LINGO2: variants seen among roughly 807,000 people sequenced by gnomAD.
LINGO2 encodes the protein leucine rich repeat and Ig domain containing 2.
In LINGO2, 14 loss-of-function variants were observed where a neutral mutation model predicts 30.6. That is an observed-to-expected ratio of 0.46 (90% CI 0.30 to 0.72). The LOEUF (loss-of-function observed/expected upper bound fraction) is 0.72. LINGO2 is among the 30% of genes least tolerant of loss of function. The pLI is 0.07. For synonymous variants in LINGO2, 317 were observed against 288.5 expected, an observed-to-expected ratio of 1.10 and a Z score of -1.00; for missense variants, 729 against 751.7, an observed-to-expected ratio of 0.97 and a Z score of 0.35.
chr9:29,038,598 C>T, the LINGO2 span, among the ~76,000 whole-genome samples: 1 of 139,606 alleles, frequency 7.2e-6, no homozygotes, highest in Non-Finnish European at 1.5e-5. Context: ...TTCAGCAGAA[C>T]ATTAGAAATG....
At chr9:28,524,906 T>C (rs1175969090) in intron 1 of LINGO2, among the ~76,000 whole-genome samples, 5 of 152,082 alleles carry the variant, frequency 3.3e-5, no homozygotes, top group East Asian at 1.9e-4. Flanking sequence ...AAAAATGATA[T>C]ATGAATCACA....
chr9:28,562,091 G>T (rs1031942613), intron 1 of LINGO2, among the ~76,000 whole-genome samples: 9 of 151,844 alleles, frequency 5.9e-5, no homozygotes, highest in Non-Finnish European at 7.4e-5. Flanking sequence ...TGCAGAGATT[G>T]CAGGGAACTA....
the LINGO2 span, among the ~76,000 whole-genome samples, chr9:28,984,688 C>A: frequency 6.6e-6 from 1 of 151,938 alleles, no homozygotes; most frequent in African/African-American, 2.4e-5. Flanking sequence ...AAGAGGGCTT[C>A]CTAATACAAA....
chr9:28,848,257 T>TATATACTATATATACGC, the LINGO2 span, among the ~76,000 whole-genome samples: 11 of 116,726 alleles, frequency 9.4e-5, no homozygotes, highest in Non-Finnish European at 1.4e-4. Context: ...TATACGCATA[T>TATATACTATATATACGC]ATAGTGTATA....
chr9:29,189,808 G>A, the LINGO2 span, among the ~76,000 whole-genome samples: 26 of 152,054 alleles, frequency 1.7e-4, no homozygotes, highest in African/African-American at 5.8e-4. Context: ...TTAGGAGCTG[G>A]AGACCAGCCC....
chr9:28,393,456 T>A (rs1465118009), intron 2 of LINGO2, among the ~76,000 whole-genome samples: 1 of 152,224 alleles, frequency 6.6e-6, no homozygotes, highest in African/African-American at 2.4e-5. Flanking sequence ...TAAGCCTGCA[T>A]TTTCTGGTTC....
At chr9:28,885,360 T>C in the LINGO2 span, among the ~76,000 whole-genome samples, 110,161 of 143,768 alleles carry the variant, frequency 0.77, 42,639 homozygotes, top group Non-Finnish European at 0.82. Flanking sequence ...TATATATATA[T>C]ACACACACAC....
At chr9:28,564,219 G>A (rs1823248463) in intron 1 of LINGO2, among the ~76,000 whole-genome samples, 1 of 151,982 alleles carries the variant, frequency 6.6e-6, no homozygotes, top group Non-Finnish European at 1.5e-5. Flanking sequence ...TACATAGAAA[G>A]AAAATATGAT....
chr9:29,061,546 C>T, the LINGO2 span, among the ~76,000 whole-genome samples: 22 of 151,864 alleles, frequency 1.4e-4, no homozygotes, highest in Middle Eastern at 3.4e-3. Flanking sequence ...AAAGATCAAA[C>T]GATTTTTGAC....
At chr9:28,529,625 TGCCATCTCTA>T (rs1821156285) in intron 1 of LINGO2, among the ~76,000 whole-genome samples, 2 of 150,128 alleles carry the variant, frequency 1.3e-5, no homozygotes, top group African/African-American at 4.9e-5. Context: ...TTTTTTTTTT[TGCCATCTCTA>T]TTTTAGCTAC....
intron 4 of LINGO2, among the ~76,000 whole-genome samples, chr9:28,126,947 C>G (rs1248528692): frequency 6.6e-6 from 1 of 152,194 alleles, no homozygotes; most frequent in African/African-American, 2.4e-5. Context: ...GTATACCTAA[C>G]ATTTTTTATA....
chr9:28,091,473 G>A (rs1451409955), intron 4 of LINGO2, among the ~76,000 whole-genome samples: 1 of 152,158 alleles, frequency 6.6e-6, no homozygotes, highest in East Asian at 1.9e-4. Flanking sequence ...TTTAATAAAT[G>A]GTGCTGGGAA....
chr9:28,497,430 C>T (rs1209943684), intron 1 of LINGO2, among the ~76,000 whole-genome samples: 1 of 152,166 alleles, frequency 6.6e-6, no homozygotes, highest in Non-Finnish European at 1.5e-5. Flanking sequence ...CACTGATACC[C>T]TTTCTTCCAG....
intron 4 of LINGO2, among the ~76,000 whole-genome samples, chr9:28,028,564 C>G (rs897184037): frequency 6.6e-6 from 1 of 151,986 alleles, no homozygotes; most frequent in Non-Finnish European, 1.5e-5. Context: ...ATTGATGTAT[C>G]CAGGGGGTTG....
chr9:28,858,858 G>A, the LINGO2 span, among the ~76,000 whole-genome samples: 4 of 152,168 alleles, frequency 2.6e-5, no homozygotes, highest in African/African-American at 9.6e-5. Context: ...GAGAATAAAG[G>A]TAAACATTTC....
rs775438948 is a variant in LINGO2, at chr9:27,950,186, G to T, written c.486C>A (p.Asp162Glu). The stretch of plus-strand genomic sequence containing the variant: ...TGTGTGATATATAAACCAAATCATT[G>T]TCCCCCACTTCTAGAGACTTCAGGT... The change falls in exon 6 of 6, where the codon GAC becomes GAA. Residue 162 changes from aspartate to glutamate, a missense_variant. Physicochemically the swap from Asp to Glu is conservative, Grantham distance 45 (BLOSUM62 2). Transcript: ENST00000379992. 17 of 1,614,028 alleles carry T rather than the reference G, an allele frequency of 1.1e-5. No individual in the cohort carries two copies. Among genetic ancestry groups the T allele is most frequent in the Admixed American group, 1.7e-5 (1 of 60,022 alleles).
chr9:28,369,636 A>G (rs1393484124), intron 3 of LINGO2, among the ~76,000 whole-genome samples: 1 of 152,210 alleles, frequency 6.6e-6, no homozygotes, highest in African/African-American at 2.4e-5. Flanking sequence ...TTAGTAAGAG[A>G]GACTAGGTTG....
At chr9:28,825,251 C>A in the LINGO2 span, among the ~76,000 whole-genome samples, 1 of 151,930 alleles carries the variant, frequency 6.6e-6, no homozygotes, top group Non-Finnish European at 1.5e-5. Context: ...TTCTTGACTA[C>A]AATGGATGTC....
the LINGO2 span, among the ~76,000 whole-genome samples, chr9:28,938,244 A>C: frequency 1.3e-5 from 2 of 152,246 alleles, no homozygotes; most frequent in Non-Finnish European, 2.9e-5. Context: ...ATGGCTAACT[A>C]AATTTATGGG....
Sources: gnomAD v4.1 joint callset for allele counts (sites outside exome capture counted in the v4.1 genomes callset) on GRCh38, gnomAD v4.1.1 for gene constraint, MANE v1.5 for transcripts, NCBI Gene and HGNC (gene_info 2026-07-23, HGNC 2026-07-21) for gene names.